The following DISC1 variants were observed in gnomAD, a reference collection of about 807,000 sequenced individuals.
DISC1 encodes disrupted in schizophrenia 1 protein.
In DISC1, 57 loss-of-function variants were observed where a neutral mutation model predicts 84.5. The observed-to-expected ratio is 0.67, with a 90% CI of 0.55 to 0.84. The LOEUF (loss-of-function observed/expected upper bound fraction) is 0.84, where lower values mean the gene tolerates loss of function less well. DISC1 is among the 40% of genes least tolerant of loss of function. The pLI is 0.00. For missense variants in DISC1, 1,000 were observed against 1,057.8 expected (o/e 0.95, Z 0.76); for synonymous variants, 411 against 415.2 (o/e 0.99, Z 0.12).
At chr1:231,731,258 G>A (rs1055086953) in intron 3 of DISC1, among the ~76,000 whole-genome samples, 4 of 152,252 alleles carry the variant, frequency 2.6e-5, no homozygotes, top group Non-Finnish European at 4.4e-5. Flanking sequence ...AAAGATGGTG[G>A]TAGAAGAAAA....
intron 9 of DISC1, among the ~76,000 whole-genome samples, chr1:231,839,800 G>C (rs2082901775): frequency 6.6e-6 from 1 of 152,150 alleles, no homozygotes; most frequent in African/African-American, 2.4e-5. Context: ...AAGGGCAGGG[G>C]AGCCAGCCAG....
At chr1:231,743,001 AT>A (rs1321298904) in intron 3 of DISC1, among the ~76,000 whole-genome samples, 2 of 152,220 alleles carry the variant, frequency 1.3e-5, no homozygotes, top group African/African-American at 2.4e-5. Context: ...GATAACTTAT[AT>A]CTTTCTTTGG....
intron 9 of DISC1, among the ~76,000 whole-genome samples, chr1:231,876,795 C>G (rs74645220): frequency 0.011 from 1,676 of 152,340 alleles, 21 homozygotes; most frequent in African/African-American, 0.037. Context: ...GTAATCATGA[C>G]TGATTCTTTT....
At position 232,039,740 on chromosome 1, in the gene DISC1, T is replaced by C. The variant is rs1172558774; in HGVS notation, c.*2909T>C. On this transcript the variant is annotated 3_prime_UTR_variant, in exon 13 of 13. Coordinates refer to ENST00000439617, the MANE Select transcript of DISC1 (RefSeq NM_018662.3). ...TATCCAAGAGAGGTTAGGGCTTAGA[T>C]TTAAAAGCATCAAAACAACAACAAT... The C allele has an allele frequency of 6.6e-6, 1 of 152,062 alleles. No homozygotes were observed. The highest frequency in any genetic ancestry group is 2.4e-5 in the African/African-American group (1 of 41,404). The allele number at this position is 152,062 out of a possible 1,614,324, so 9.4% of individuals were successfully genotyped here.
chr1:231,800,166 C>A lies in DISC1; in HGVS notation c.1748C>A (p.Thr583Asn), dbSNP rs1178862593. The A allele has an allele frequency of 6.2e-7, 1 of 1,611,860 alleles. No homozygotes were observed. The highest frequency in any genetic ancestry group is 1.7e-5 in the Admixed American group (1 of 59,842). Residue 583 changes from threonine (T) to asparagine (N), a missense_variant, in exon 8 of 13, where the codon ACC becomes AAC. Transcript: ENST00000439617. ...TLRKKVNDIE[T>N]QLPALLEAKM... The stretch of plus-strand genomic sequence containing the variant: ...AGGAAGAAAGTTAACGATATTGAAA[C>A]CCAACTACCAGCCTTGCTTGAAGCC...
chr1:231,713,021 G>A (rs144437690), intron 3 of DISC1, among the ~76,000 whole-genome samples: 211 of 152,282 alleles, frequency 1.4e-3, no homozygotes, highest in African/African-American at 4.9e-3. Context: ...TTCATTTCAG[G>A]CTGATCCTTG....
intron 4 of DISC1, among the ~76,000 whole-genome samples, chr1:231,760,530 C>T (rs2075563660): frequency 6.6e-6 from 1 of 152,192 alleles, no homozygotes; most frequent in African/African-American, 2.4e-5. Context: ...CCGCATTTTT[C>T]TAACTGTGAT....
At chr1:231,685,483 C>T (rs535117552) in intron 1 of DISC1, among the ~76,000 whole-genome samples, 13 of 151,768 alleles carry the variant, frequency 8.6e-5, no homozygotes, top group South Asian at 2.1e-4. Context: ...GACAGAGTCT[C>T]GCTCTGTTGC....
At position 231,818,424 on chromosome 1, in the gene DISC1, G is replaced by A. The variant is rs1238276682; in HGVS notation, c.1888G>A (p.Val630Met). ...GLEGLLSKLL[V>M]LSSRNVKKLG... The stretch of plus-strand genomic sequence containing the variant: ...GGAGGGACTCCTCAGCAAGCTGTTG[G>A]TGTTGAGTTCCAGGAATGTCAAAAA... The change falls in exon 9 of 13, where the codon GTG becomes ATG. Residue 630 changes from valine to methionine, a missense_variant. Val to Met is a conservative substitution (Grantham distance 21). Coordinates refer to ENST00000439617, the MANE Select transcript of DISC1 (RefSeq NM_018662.3). 1 of 1,614,092 alleles carries A rather than the reference G, an allele frequency of 6.2e-7. No individual in the cohort carries two copies. Among genetic ancestry groups the A allele is most frequent in the Non-Finnish European group, 8.5e-7 (1 of 1,180,042 alleles).
Position 232,009,407 on chromosome 1 carries a change from G to A in DISC1, c.2307+358G>A. ...ACTATAGATTATATATGCCATACAT[G>A]ATATTTAACATATATACTATACATT... On this transcript the variant is annotated intron_variant, in intron 11 of 12. Coordinates refer to ENST00000439617, the MANE Select transcript of DISC1 (RefSeq NM_018662.3). This position sits in a 1 kb window ranked among gnomAD's most constrained non-coding sequence, Gnocchi z 4.6. 1.5e-6 allele frequency: 1 copy of A among 685,818 alleles called. No individual in the cohort carries two copies. Among genetic ancestry groups the A allele is most frequent in the Non-Finnish European group, 1.8e-6 (1 of 550,000 alleles). The allele number at this position is 685,818 out of a possible 1,614,324, so 42.5% of individuals were successfully genotyped here. A position where few individuals can be genotyped will look rare whatever the true frequency, so the allele number is the denominator to read the frequency against.
At chr1:231,726,347 A>G (rs2070697379) in intron 3 of DISC1, among the ~76,000 whole-genome samples, 1 of 152,202 alleles carries the variant, frequency 6.6e-6, no homozygotes, top group African/African-American at 2.4e-5. Context: ...GGCAGTGATG[A>G]GCTGCAGGCA....
chr1:231,764,946 C>T (rs1014634689), intron 4 of DISC1, among the ~76,000 whole-genome samples: 1 of 152,040 alleles, frequency 6.6e-6, no homozygotes, highest in African/African-American at 2.4e-5. Context: ...AATCCCAGTA[C>T]TTTGGGAGGC....
intron 9 of DISC1, among the ~76,000 whole-genome samples, chr1:231,939,387 A>G (rs1051986187): frequency 2.6e-5 from 4 of 152,198 alleles, no homozygotes; most frequent in South Asian, 4.1e-4. Flanking sequence ...TGTCAATTCT[A>G]TTTCCTAAAT....
At chr1:231,647,699 T>C (rs2060252622) in intron 1 of DISC1, among the ~76,000 whole-genome samples, 1 of 152,220 alleles carries the variant, frequency 6.6e-6, no homozygotes, top group Admixed American at 6.5e-5. Context: ...GAGCATGGAA[T>C]GTTCTTCCAT....
chr1:231,910,367 A>G (rs2089094275), intron 9 of DISC1, among the ~76,000 whole-genome samples: 2 of 152,122 alleles, frequency 1.3e-5, no homozygotes, highest in African/African-American at 2.4e-5. Context: ...AGATTCTGGT[A>G]TGTTGTGTCT....
rs1258604861 is a variant in DISC1, at chr1:231,995,204, C to T, written c.2043-13581C>T. Among the ~76,000 whole-genome samples, 3 of 151,910 alleles carry T rather than the reference C, an allele frequency of 2.0e-5. No individual in the cohort carries two copies. In the East Asian group the frequency reaches 5.8e-4, roughly 29 times the overall value. On this transcript the variant is annotated intron_variant, in intron 10 of 12. Transcript: ENST00000439617. ...AGTTGCCCAGGGAAAAACATGCCTA[C>T]AGACACATGAGGACTATTCTACCTT...
chr1:231,837,269 C>T (rs920438000), intron 9 of DISC1, among the ~76,000 whole-genome samples: 2 of 152,144 alleles, frequency 1.3e-5, no homozygotes, highest in African/African-American at 4.8e-5. Flanking sequence ...TTGCCAGGCT[C>T]CATTAGGTAT....
intron 6 of DISC1, among the ~76,000 whole-genome samples, chr1:231,784,133 C>T (rs748287886): frequency 2.1e-4 from 32 of 152,040 alleles, no homozygotes; most frequent in African/African-American, 2.9e-4. Flanking sequence ...CATGGTGGTG[C>T]GCACCTGTAA....
At chr1:231,835,925 A>G (rs1052800132) in intron 9 of DISC1, among the ~76,000 whole-genome samples, 1 of 152,236 alleles carries the variant, frequency 6.6e-6, no homozygotes, top group Non-Finnish European at 1.5e-5. Flanking sequence ...CTTTCTGAGT[A>G]AAAACATTCT....
Sources: allele counts gnomAD v4.1 joint callset (sites outside exome capture counted in the v4.1 genomes callset), GRCh38; gene constraint gnomAD v4.1.1; non-coding constraint Gnocchi (gnomAD v3.1); transcripts MANE v1.5; gene names NCBI Gene and HGNC (gene_info 2026-07-23, HGNC 2026-07-21).